UHMK1: variants seen among roughly 807,000 people sequenced by gnomAD.
UHMK1 encodes the protein U2AF homology motif kinase 1.
Under a neutral mutation model 44.0 loss-of-function variants are expected in UHMK1, and 18 were observed. That is an observed-to-expected ratio of 0.41 (90% CI 0.28 to 0.61). The LOEUF is 0.61. Among genes scored for constraint, UHMK1 ranks in the 20% least tolerant of loss-of-function variants. The pLI is 0.31. For missense variants in UHMK1, 463 were observed against 522.5 expected, an observed-to-expected ratio of 0.89 and a Z score of 1.11; for synonymous variants, 231 against 198.5, an observed-to-expected ratio of 1.16 and a Z score of -1.38.
intron 3 of UHMK1, among the ~76,000 whole-genome samples, chr1:162,501,457 C>G (rs955070851): frequency 6.6e-6 from 1 of 152,176 alleles, no homozygotes; most frequent in Non-Finnish European, 1.5e-5. Context: ...CATGAGCCAC[C>G]GCACCTGGCC....
At chr1:162,513,065 C>A (rs540429796) in intron 6 of UHMK1, 45 of 381,720 alleles carry the variant, frequency 1.2e-4, no homozygotes, top group Admixed American at 1.8e-4. Flanking sequence ...CCTCAGCCCC[C>A]CAAGTAGCTG....
chr1:162,516,029 G>A (rs1299270669), intron 6 of UHMK1, among the ~76,000 whole-genome samples: 2 of 149,588 alleles, frequency 1.3e-5, no homozygotes, highest in Admixed American at 6.7e-5. Flanking sequence ...GCGAGACTCC[G>A]TCTCAAAAAA....
At chr1:162,518,628 G>A (rs1270513621) in intron 7 of UHMK1, among the ~76,000 whole-genome samples, 1 of 151,288 alleles carries the variant, frequency 6.6e-6, no homozygotes, top group African/African-American at 2.4e-5. Flanking sequence ...GTTGCAGTGA[G>A]CCAAGATCCT....
chr1:162,521,471 G>A (rs1652058050), intron 7 of UHMK1, among the ~76,000 whole-genome samples: 1 of 152,090 alleles, frequency 6.6e-6, no homozygotes, highest in Non-Finnish European at 1.5e-5. Flanking sequence ...GGGTCAGGGA[G>A]GGGACAGGGT....
chr1:162,520,942 GT>G (rs1023149783), intron 7 of UHMK1, among the ~76,000 whole-genome samples: 23 of 152,270 alleles, frequency 1.5e-4, no homozygotes, highest in African/African-American at 5.3e-4. Flanking sequence ...AAGTATCCAG[GT>G]TTAAGATGAT....
rs1175406525 is a variant in UHMK1 at position 162,522,302 on chromosome 1, T to G, written c.1114-102T>G. On this transcript the variant is annotated intron_variant, in intron 7 of 7. Coordinates refer to ENST00000489294, the MANE Select transcript of UHMK1 (RefSeq NM_175866.5). ...ACCTAAGGAAGCAAAATCTGCATTTTAATAACATCTCCAGTTGATGTATAT... is the reference window on the plus strand; with the variant it reads ...ACCTAAGGAAGCAAAATCTGCATTTGAATAACATCTCCAGTTGATGTATAT... The G allele has an allele frequency of 2.2e-6, 3 of 1,365,954 alleles. No individual in the cohort carries two copies. In the East Asian group the frequency reaches 7.1e-5, roughly 32 times the overall value. The allele number at this position is 1,365,954 out of a possible 1,614,324, so 84.6% of individuals were successfully genotyped here. A position where few individuals can be genotyped will look rare whatever the true frequency, so the allele number is the denominator to read the frequency against.
At chr1:162,504,272 T>TA (rs563986591) in intron 4 of UHMK1, among the ~76,000 whole-genome samples, 46 of 152,348 alleles carry the variant, frequency 3.0e-4, no homozygotes, top group Non-Finnish European at 5.7e-4. Context: ...TGGGGACAGA[T>TA]ACAGTTTTTC....
At chr1:162,512,856 CT>C in intron 6 of UHMK1, 33 bp downstream of exon 6, 1 of 1,576,706 alleles carries the variant, frequency 6.3e-7, no homozygotes, top group Non-Finnish European at 8.7e-7. Context: ...TTTAATGTGT[CT>C]TTCTTAAATA....
intron 6 of UHMK1, among the ~76,000 whole-genome samples, chr1:162,515,966 G>A (rs1178725352): frequency 3.3e-5 from 5 of 151,820 alleles, no homozygotes; most frequent in African/African-American, 9.7e-5. Flanking sequence ...CCCGGGAGGC[G>A]GAGCTTGCAG....
At chr1:162,521,841 C>T (rs1183880326) in intron 7 of UHMK1, among the ~76,000 whole-genome samples, 1 of 152,208 alleles carries the variant, frequency 6.6e-6, no homozygotes, top group African/African-American at 2.4e-5. Context: ...GTTCGTCAGG[C>T]TGATCTCGAA....
intron 4 of UHMK1, among the ~76,000 whole-genome samples, chr1:162,506,223 G>C (rs1375211867): frequency 2.5e-5 from 3 of 121,550 alleles, no homozygotes; most frequent in East Asian, 2.5e-4. Context: ...TTAAATAATA[G>C]CCCCCCCCCC....
rs893675639 is a variant in UHMK1 at position 162,523,327 on chromosome 1, G to A, written c.*777G>A. ...TTCCCTACCTGTTTCACATCCGTAAGATTTAAGATATACATTTTTTGAGAG... is the reference window on the plus strand; with the variant it reads ...TTCCCTACCTGTTTCACATCCGTAAAATTTAAGATATACATTTTTTGAGAG... On this transcript the variant is annotated 3_prime_UTR_variant, in exon 8 of 8. Transcript: ENST00000489294. 3.9e-5 allele frequency: 6 copies of A among 152,518 alleles called. No homozygotes were observed. The highest frequency in any genetic ancestry group is 5.9e-5 in the Non-Finnish European group (4 of 68,008). The allele number at this position is 152,518 out of a possible 1,614,324, so 9.4% of individuals were successfully genotyped here.
At position 162,505,319 on chromosome 1, in the gene UHMK1, C is replaced by T. The variant is rs565400939; in HGVS notation, c.848+1471C>T. Among the ~76,000 whole-genome samples, 12 of 152,268 alleles carry T rather than the reference C, an allele frequency of 7.9e-5. 1 individual carries two copies. In the South Asian group the frequency reaches 2.5e-3, roughly 32 times the overall value. Reference sequence around the variant, plus strand: ...ATAGAGCTGTCATCTCCTATGTTAACAATGCCTTCTTTTGGAATACCTCAC... The same window carrying T: ...ATAGAGCTGTCATCTCCTATGTTAATAATGCCTTCTTTTGGAATACCTCAC... On this transcript the variant is annotated intron_variant, in intron 4 of 7. Transcript: ENST00000489294.
Position 162,507,479 on chromosome 1 carries a change from C to T in UHMK1, c.848+3631C>T, listed in dbSNP as rs111996075. ...TTTCTTTTTTTAAGAGACGAGGTCC[C>T]ACCATGTGCCAGGCTGGTCTTGAAC... On this transcript the variant is annotated intron_variant, in intron 4 of 7. Transcript: ENST00000489294. Among the ~76,000 whole-genome samples the T allele has an allele frequency of 2.0e-3, 299 of 152,116 alleles. 1 individual carries two copies. The highest frequency in any genetic ancestry group is 3.5e-3 in the Non-Finnish European group (238 of 68,000).
intron 6 of UHMK1, among the ~76,000 whole-genome samples, chr1:162,513,293 C>A (rs1403016616): frequency 1.3e-5 from 2 of 152,140 alleles, no homozygotes; most frequent in African/African-American, 2.4e-5. Flanking sequence ...TTCATCTTTA[C>A]CCAGTTAATG....
intron 4 of UHMK1, among the ~76,000 whole-genome samples, chr1:162,508,676 T>G (rs1478668626): frequency 1.3e-5 from 2 of 151,556 alleles, no homozygotes; most frequent in East Asian, 3.9e-4. Context: ...CACTTCAGCC[T>G]GAGTGACAGA....
Position 162,522,589 on chromosome 1 carries a change from A to G in UHMK1, c.*39A>G, listed in dbSNP as rs757932195. 19 of 1,597,844 alleles carry G rather than the reference A, an allele frequency of 1.2e-5. No individual in the cohort carries two copies. The highest frequency in any genetic ancestry group is 1.6e-5 in the Non-Finnish European group (19 of 1,171,798). ...GACTGTTTCCTTTTTCTCCTCTTCC[A>G]TTTCTTGGGTTATTCCACATATGAA... On this transcript the variant is annotated 3_prime_UTR_variant, in exon 8 of 8. Coordinates refer to ENST00000489294, the MANE Select transcript of UHMK1 (RefSeq NM_175866.5).
chr1:162,510,863 T>C (rs189693017), intron 4 of UHMK1, among the ~76,000 whole-genome samples: 7 of 151,980 alleles, frequency 4.6e-5, no homozygotes, highest in Non-Finnish European at 1.5e-5. Flanking sequence ...TTTTTAAAAA[T>C]TTTTTTTAAG....
chr1:162,512,695 A>G (rs1277944329), intron 5 of UHMK1, 30 bp from the exon 6 acceptor site: 1 of 1,612,292 alleles, frequency 6.2e-7, no homozygotes, highest in Non-Finnish European at 8.5e-7. Flanking sequence ...GGGGATTTAC[A>G]TTTAACCATA....
Sources: gnomAD v4.1 joint callset for allele counts (sites outside exome capture counted in the v4.1 genomes callset) on GRCh38, gnomAD v4.1.1 for gene constraint, MANE v1.5 for transcripts, NCBI Gene and HGNC (gene_info 2026-07-23, HGNC 2026-07-21) for gene names.